The following TCF12 variants were observed in gnomAD, a reference collection of about 807,000 sequenced individuals.
The protein encoded by TCF12 is DNA-binding protein HTF4.
A neutral mutation model predicts 86.0 loss-of-function variants in TCF12; 45 were observed. That is an observed-to-expected ratio of 0.52 (90% CI 0.41 to 0.67). The LOEUF is 0.67. TCF12 is among the 30% of genes least tolerant of loss of function. The pLI, the probability that TCF12 is intolerant of heterozygous loss-of-function variation, is 0.00. For missense variants in TCF12, 881 were observed against 859.9 expected (o/e 1.02, Z -0.31); for synonymous variants, 330 against 299.6 (o/e 1.10, Z -1.05).
In TCF12 at chr15:56,920,108, A is replaced by G. The variant is rs867844944; in HGVS notation, c.75+120A>G. The G allele has an allele frequency of 6.4e-6, 7 of 1,091,206 alleles. No homozygotes were observed. The African/African-American group carries it at 9.3e-5, about 15-fold the overall frequency. The allele number at this position is 1,091,206 out of a possible 1,614,324, so 67.6% of individuals were successfully genotyped here. On this transcript the variant is annotated intron_variant, in intron 2 of 20. Transcript: ENST00000333725. ...GTGGAGACTAGGCAGCGTGAACTCC[A>G]TCTGCTTTCTGCTTAAGCAGTAGTT...
rs914781145 is a variant in TCF12, at chr15:57,136,959, T to G, written c.326-29443T>G. Reference sequence around the variant, plus strand: ...AGACAATAGCCACTGCTTCTGGCAGTTTTTTTTTTTGTTTTTTTTTTTTTT... The same window carrying G: ...AGACAATAGCCACTGCTTCTGGCAGGTTTTTTTTTTGTTTTTTTTTTTTTT... On this transcript the variant is annotated intron_variant, in intron 5 of 20. Transcript: ENST00000333725. Among the ~76,000 whole-genome samples the G allele has an allele frequency of 2.9e-3, 12 of 4,156 alleles. No individual in the cohort carries two copies. The East Asian group carries it at 0.034, about 12-fold the overall frequency. The allele number at this position is 4,156 out of a possible 152,430, so 2.7% of individuals were successfully genotyped here. A position where few individuals can be genotyped will look rare whatever the true frequency, so the allele number is the denominator to read the frequency against.
chr15:56,919,059 T>G (rs2059633171), intron 1 of TCF12, 153 bp downstream of exon 1: 2 of 151,412 alleles, frequency 1.3e-5, no homozygotes, highest in Admixed American at 1.3e-4. Context: ...CCCCTCCAAG[T>G]TGGGGAGCGG....
rs528632157 is a variant in TCF12, at chr15:57,189,517, G to A, written c.391-2641G>A. 7.3e-4 allele frequency among the ~76,000 whole-genome samples: 111 copies of A among 152,242 alleles called. 1 individual carries two copies. The highest frequency in any genetic ancestry group is 3.1e-3 in the South Asian group (15 of 4,824). On this transcript the variant is annotated intron_variant, in intron 6 of 20. Transcript: ENST00000333725. ...ATATCATTAGTCATTAGGGTTATGC[G>A]AATCAAAACCACTGCAAATGAGATA...
chr15:57,262,286 A>G lies in TCF12; in HGVS notation c.1582+78A>G. The G allele has an allele frequency of 3.8e-6, 4 of 1,042,326 alleles. No homozygotes were observed. The East Asian group carries it at 7.7e-5, about 20-fold the overall frequency. The allele number at this position is 1,042,326 out of a possible 1,614,324, so 64.6% of individuals were successfully genotyped here. The stretch of plus-strand genomic sequence containing the variant: ...ACACTGTCACCTTTCTCACAGCTGG[A>G]TTGACATCTGTGAATCAAAAGTCAT... On this transcript the variant is annotated intron_variant, in intron 17 of 20. Transcript: ENST00000333725.
intron 16 of TCF12, among the ~76,000 whole-genome samples, chr15:57,258,057 T>G (rs1301679607): frequency 6.6e-6 from 1 of 152,146 alleles, no homozygotes; most frequent in African/African-American, 2.4e-5. Context: ...CCCAGCACTT[T>G]GGGAGGCTAA....
intron 3 of TCF12, among the ~76,000 whole-genome samples, chr15:57,053,374 C>T (rs995018851): frequency 3.9e-5 from 6 of 152,246 alleles, no homozygotes; most frequent in African/African-American, 1.4e-4. Flanking sequence ...ACGTTAACCC[C>T]TTATCAAAGT....
At chr15:57,157,095 T>C (rs530337789) in intron 5 of TCF12, among the ~76,000 whole-genome samples, 2 of 152,208 alleles carry the variant, frequency 1.3e-5, no homozygotes. Flanking sequence ...GACTTTCTTT[T>C]TCTTTGTTTT....
At chr15:57,052,609 C>T (rs1180630754) in intron 3 of TCF12, among the ~76,000 whole-genome samples, 2 of 148,434 alleles carry the variant, frequency 1.3e-5, no homozygotes, top group African/African-American at 5.0e-5. Flanking sequence ...TGCACTCCAG[C>T]CTGGGTGACA....
chr15:56,935,333 G>A (rs1167322948), intron 3 of TCF12, among the ~76,000 whole-genome samples: 1 of 152,136 alleles, frequency 6.6e-6, no homozygotes, highest in Non-Finnish European at 1.5e-5. Context: ...AAAAGCCTGA[G>A]ATCAGGGTGC....
chr15:57,080,182 G>C (rs1171009217), intron 4 of TCF12, among the ~76,000 whole-genome samples: 5 of 152,134 alleles, frequency 3.3e-5, no homozygotes, highest in African/African-American at 9.7e-5. Flanking sequence ...ATCATTTAAA[G>C]GTTATCTCTA....
intron 5 of TCF12, among the ~76,000 whole-genome samples, chr15:57,094,916 T>C (rs963685659): frequency 1.3e-5 from 2 of 152,222 alleles, no homozygotes; most frequent in Non-Finnish European, 2.9e-5. Flanking sequence ...TCAAATACTT[T>C]AATGATTTTG....
In TCF12 at chr15:57,049,883, G is replaced by A. The variant is rs1212523849; in HGVS notation, c.149-13867G>A. On this transcript the variant is annotated intron_variant, in intron 3 of 20. Transcript: ENST00000333725. ...GTAACATTACTATTTGTTTTCTTTT[G>A]CGCCATTAATTATTTTGTGCCTTTG... Among the ~76,000 whole-genome samples, 3 of 151,826 alleles carry A rather than the reference G, an allele frequency of 2.0e-5. No homozygotes were observed. The East Asian group carries it at 5.8e-4, about 29-fold the overall frequency.
intron 3 of TCF12, among the ~76,000 whole-genome samples, chr15:56,991,702 A>C (rs2063466759): frequency 6.6e-6 from 1 of 152,204 alleles, no homozygotes; most frequent in Non-Finnish European, 1.5e-5. Flanking sequence ...TTTAAACTAA[A>C]TTCAGATGAG....
intron 6 of TCF12, 60 bp downstream of exon 6, chr15:57,166,526 T>C (rs2054906257): frequency 1.5e-6 from 2 of 1,376,308 alleles, no homozygotes. Flanking sequence ...ATAAAGGCTC[T>C]ATTAATAGAT....
intron 3 of TCF12, among the ~76,000 whole-genome samples, chr15:57,040,434 T>C (rs2066822013): frequency 6.6e-6 from 1 of 152,216 alleles, no homozygotes; most frequent in Admixed American, 6.5e-5. Context: ...ATAACCTGAC[T>C]GAAATGTCAG....
chr15:56,970,001 G>A (rs1222130757), intron 3 of TCF12, among the ~76,000 whole-genome samples: 2 of 152,156 alleles, frequency 1.3e-5, no homozygotes, highest in African/African-American at 4.8e-5. Context: ...TAGATGGAAG[G>A]AATCTTAAGC....
chr15:57,260,501 G>A (rs1308773348), intron 16 of TCF12, among the ~76,000 whole-genome samples: 1 of 152,052 alleles, frequency 6.6e-6, no homozygotes, highest in Non-Finnish European at 1.5e-5. Flanking sequence ...AAATTACTTG[G>A]TGTGATAGTT....
intron 20 of TCF12, among the ~76,000 whole-genome samples, chr15:57,284,719 C>T (rs769044008): frequency 5.3e-5 from 8 of 152,200 alleles, no homozygotes; most frequent in East Asian, 1.9e-4. Context: ...TTTCTTGTCT[C>T]GCTCTAGTTA....
At chr15:57,271,610 G>A (rs2152092640) in intron 18 of TCF12, among the ~76,000 whole-genome samples, 1 of 152,254 alleles carries the variant, frequency 6.6e-6, no homozygotes, top group African/African-American at 2.4e-5. Flanking sequence ...TGTTCAACCA[G>A]TCCCAATTAG....
Sources: allele counts gnomAD v4.1 joint callset (sites outside exome capture counted in the v4.1 genomes callset), GRCh38; gene constraint gnomAD v4.1.1; transcripts MANE v1.5; gene names NCBI Gene and HGNC (gene_info 2026-07-23, HGNC 2026-07-21).